ARHGEF3: variants seen among roughly 807,000 people sequenced by gnomAD.
ARHGEF3 encodes the protein Rho guanine nucleotide exchange factor 3.
A neutral mutation model predicts 63.2 loss-of-function variants in ARHGEF3; 28 were observed. The observed-to-expected ratio is 0.44, with a 90% CI of 0.33 to 0.61. The LOEUF (loss-of-function observed/expected upper bound fraction) is 0.61, where lower values mean the gene tolerates loss of function less well. Among genes scored for constraint, ARHGEF3 ranks in the 20% least tolerant of loss-of-function variants. The probability of loss-of-function intolerance (pLI) is 0.03; values close to 1 mark genes in which losing one functional copy is unlikely to be tolerated. For missense variants in ARHGEF3, 533 were observed against 659.3 expected (o/e 0.81, Z 2.10); for synonymous variants, 266 against 254.2 (o/e 1.05, Z -0.44).
chr3:56,924,678 G>C (rs1384462776), intron 3 of ARHGEF3, among the ~76,000 whole-genome samples: 1 of 152,200 alleles, frequency 6.6e-6, no homozygotes, highest in South Asian at 2.1e-4. Flanking sequence ...ACTGGTGGGA[G>C]TGTAGCAGTG....
intron 4 of ARHGEF3, among the ~76,000 whole-genome samples, chr3:56,873,667 C>T (rs1241695779): frequency 6.6e-6 from 1 of 152,128 alleles, no homozygotes; most frequent in African/African-American, 2.4e-5. Context: ...GCCTGAGTCT[C>T]CCAAAGTTTT....
intron 1 of ARHGEF3, among the ~76,000 whole-genome samples, chr3:57,059,682 G>C (rs1481241103): frequency 1.3e-5 from 2 of 152,118 alleles, no homozygotes; most frequent in South Asian, 4.2e-4. Flanking sequence ...CTGCCTGATG[G>C]GGTGACAATG....
chr3:56,795,790 T>C (rs12632965), intron 1 of ARHGEF3, among the ~76,000 whole-genome samples: 21,214 of 151,694 alleles, frequency 0.14, 1,841 homozygotes, highest in East Asian at 0.33. Flanking sequence ...TACAGGTGTG[T>C]GCCACCACGC....
At chr3:56,903,272 G>C (rs1241460140) in intron 3 of ARHGEF3, among the ~76,000 whole-genome samples, 1 of 152,208 alleles carries the variant, frequency 6.6e-6, no homozygotes, top group African/African-American at 2.4e-5. Context: ...CTGATAATAT[G>C]AAGGTTTGGA....
intron 3 of ARHGEF3, chr3:56,958,816 C>A: frequency 6.4e-7 from 1 of 1,550,870 alleles, no homozygotes; most frequent in East Asian, 2.4e-5. Context: ...CCCAGGGCAA[C>A]ACTTACCCCT....
At chr3:56,917,370 T>C (rs2042015168) in intron 3 of ARHGEF3, among the ~76,000 whole-genome samples, 1 of 152,224 alleles carries the variant, frequency 6.6e-6, no homozygotes, top group African/African-American at 2.4e-5. Context: ...TTACAAATTT[T>C]AGCTGTTAAG....
intron 1 of ARHGEF3, among the ~76,000 whole-genome samples, chr3:57,077,779 G>A (rs1436620184): frequency 6.6e-6 from 1 of 152,032 alleles, no homozygotes; most frequent in Non-Finnish European, 1.5e-5. Flanking sequence ...TCCAGAGAAG[G>A]TCCAAGACCC....
intron 2 of ARHGEF3, among the ~76,000 whole-genome samples, chr3:56,757,428 C>T (rs1003476775): frequency 2.6e-5 from 4 of 151,670 alleles, no homozygotes; most frequent in Non-Finnish European, 4.4e-5. Flanking sequence ...GAGCCAAGAT[C>T]GTGCCACTGC....
chr3:56,864,837 C>G (rs1482366036), intron 4 of ARHGEF3, among the ~76,000 whole-genome samples: 1 of 152,164 alleles, frequency 6.6e-6, no homozygotes, highest in African/African-American at 2.4e-5. Flanking sequence ...ATAGCCCCCT[C>G]TTCAGTTATT....
chr3:56,881,923 C>A (rs1416298459), intron 4 of ARHGEF3, among the ~76,000 whole-genome samples: 2 of 152,228 alleles, frequency 1.3e-5, no homozygotes, highest in Non-Finnish European at 2.9e-5. Context: ...ATCCGGCTGC[C>A]TGAGCTGGGC....
At chr3:56,947,682 G>A (rs976363849) in intron 3 of ARHGEF3, among the ~76,000 whole-genome samples, 3 of 152,100 alleles carry the variant, frequency 2.0e-5, no homozygotes, top group Non-Finnish European at 4.4e-5. Context: ...AATAATGGGA[G>A]ACTTTAACAC....
chr3:56,999,060 G>A (rs1204072421), intron 2 of ARHGEF3, among the ~76,000 whole-genome samples: 4 of 152,190 alleles, frequency 2.6e-5, no homozygotes, highest in Non-Finnish European at 4.4e-5. Context: ...TGTTGTTGTT[G>A]TTGTTTTGAG....
At chr3:57,047,943 C>A (rs1704528073) in intron 1 of ARHGEF3, among the ~76,000 whole-genome samples, 1 of 152,164 alleles carries the variant, frequency 6.6e-6, no homozygotes, top group East Asian at 1.9e-4. Flanking sequence ...TACAGACCCA[C>A]CCAGAAGGCA....
chr3:56,982,850 C>A (rs764390330), intron 2 of ARHGEF3, among the ~76,000 whole-genome samples: 1 of 152,000 alleles, frequency 6.6e-6, no homozygotes, highest in Non-Finnish European at 1.5e-5. Flanking sequence ...CTCTTCCCAC[C>A]GAGCAAACAC....
At chr3:56,926,455 C>A (rs748247341) in intron 3 of ARHGEF3, among the ~76,000 whole-genome samples, 11 of 152,224 alleles carry the variant, frequency 7.2e-5, no homozygotes, top group Admixed American at 2.0e-4. Context: ...GAATACAGTA[C>A]TAGTCAGATG....
chr3:56,935,707 A>G (rs1336958515), intron 3 of ARHGEF3, among the ~76,000 whole-genome samples: 1 of 152,046 alleles, frequency 6.6e-6, no homozygotes, highest in African/African-American at 2.4e-5. Flanking sequence ...AACTCCGAAC[A>G]CATCTGAACA....
At chr3:56,823,598 G>T (rs1334579072) in intron 4 of ARHGEF3, among the ~76,000 whole-genome samples, 1 of 152,052 alleles carries the variant, frequency 6.6e-6, no homozygotes, top group African/African-American at 2.4e-5. Flanking sequence ...TCTACAGATG[G>T]GAGGTTATCT....
At chr3:56,986,180 A>C (rs1200500465) in intron 2 of ARHGEF3, among the ~76,000 whole-genome samples, 1 of 152,186 alleles carries the variant, frequency 6.6e-6, no homozygotes. Flanking sequence ...CAGCAACCTA[A>C]AGAGCCCAAC....
intron 1 of ARHGEF3, among the ~76,000 whole-genome samples, chr3:57,063,428 C>T (rs1185933436): frequency 6.6e-6 from 1 of 152,162 alleles, no homozygotes; most frequent in African/African-American, 2.4e-5. Flanking sequence ...AAGGCAGAGG[C>T]TTGGAGGCCG....
Sources: allele counts gnomAD v4.1 joint callset (sites outside exome capture counted in the v4.1 genomes callset), GRCh38; gene constraint gnomAD v4.1.1; transcripts MANE v1.5; gene names NCBI Gene and HGNC (gene_info 2026-07-23, HGNC 2026-07-21).